ZNF215: variants seen among roughly 807,000 people sequenced by gnomAD.
ZNF215 encodes the protein BWSCR2-associated zinc finger protein 2.
In ZNF215, 24 loss-of-function variants were observed where a neutral mutation model predicts 27.2. The ratio of observed to expected loss-of-function variants is 0.88; its 90% CI spans 0.64 to 1.24. ZNF215 has a LOEUF of 1.24. Ranked by LOEUF, ZNF215 falls within the 50% of genes most tolerant of loss-of-function variation. The probability of loss-of-function intolerance (pLI) is 0.00; values close to 1 mark genes in which losing one functional copy is unlikely to be tolerated. For missense variants in ZNF215, 675 were observed against 605.7 expected, an observed-to-expected ratio of 1.11 and a Z score of -1.20; for synonymous variants, 210 against 204.0, an observed-to-expected ratio of 1.03 and a Z score of -0.25.
At chr11:6,985,600 A>G (rs922780189), downstream of ZNF215, among the ~76,000 whole-genome samples, 1 of 152,178 alleles carries the variant, frequency 6.6e-6, no homozygotes, top group Non-Finnish European at 1.5e-5. Flanking sequence ...CAAGCTATTT[A>G]TCTTCACTGA....
chr11:6,978,764 A>T (rs1402693334), intron 5 of ZNF215, among the ~76,000 whole-genome samples: 1 of 152,024 alleles, frequency 6.6e-6, no homozygotes, highest in African/African-American at 2.4e-5. Flanking sequence ...ACCAAAAAAA[A>T]AAATGTATTC....
At chr11:6,941,783 C>A in intron 4 of ZNF215, 130 bp downstream of exon 4, 2 of 889,762 alleles carry the variant, frequency 2.2e-6, no homozygotes, top group Non-Finnish European at 3.4e-6. Context: ...TATTTTCCCA[C>A]AGGACACTGG....
At chr11:6,991,942 C>T (rs1015666691), downstream of ZNF215, among the ~76,000 whole-genome samples, 2 of 152,192 alleles carry the variant, frequency 1.3e-5, no homozygotes, top group African/African-American at 2.4e-5. Flanking sequence ...GTGTTCATAA[C>T]GTTGTGTAGT....
chr11:6,958,196 T>C (rs185707187), downstream of ZNF215: 1 of 452,660 alleles, frequency 2.2e-6, no homozygotes, highest in African/African-American at 2.1e-5. Flanking sequence ...ATTCTTGAGG[T>C]ATGTTCATTC....
At chr11:6,945,304 G>A (rs1849780441) in intron 6 of ZNF215, among the ~76,000 whole-genome samples, 1 of 151,994 alleles carries the variant, frequency 6.6e-6, no homozygotes. Flanking sequence ...CACCATTTCT[G>A]TCTCATTTTT....
At chr11:6,972,001 A>G (rs561966181) in intron 5 of ZNF215, among the ~76,000 whole-genome samples, 6 of 152,118 alleles carry the variant, frequency 3.9e-5, no homozygotes, top group Non-Finnish European at 8.8e-5. Flanking sequence ...TGCCAAGTCT[A>G]TTTACTAAAG....
At chr11:6,974,810 T>A (rs1011457667) in intron 5 of ZNF215, among the ~76,000 whole-genome samples, 1 of 152,140 alleles carries the variant, frequency 6.6e-6, no homozygotes, top group Admixed American at 6.6e-5. Flanking sequence ...GATGGGGTTT[T>A]CTAGATATAC....
downstream of ZNF215, among the ~76,000 whole-genome samples, chr11:6,959,388 T>C (rs553885338): frequency 2.6e-5 from 4 of 152,276 alleles, no homozygotes; most frequent in African/African-American, 2.4e-5. Context: ...CTTTAGAAGT[T>C]TGAGCTTCAG....
chr11:6,935,771 A>AT (rs1849414952), intron 3 of ZNF215, among the ~76,000 whole-genome samples: 1 of 152,176 alleles, frequency 6.6e-6, no homozygotes, highest in South Asian at 2.1e-4. Context: ...TCAAGTATAC[A>AT]TGGAATAGTC....
At position 6,956,697 on chromosome 11, in the gene ZNF215, G is replaced by T. The variant is rs183504340; in HGVS notation, c.*166G>T. On this transcript the variant is annotated 3_prime_UTR_variant, in exon 7 of 7. Transcript: ENST00000278319. ...TGTTGGATAGAAATATCATTGGATAGAAATCTGTTTGAAGGAATTTTCCTG... is the reference window on the plus strand; with the variant it reads ...TGTTGGATAGAAATATCATTGGATATAAATCTGTTTGAAGGAATTTTCCTG... 1.2e-4 allele frequency: 170 copies of T among 1,388,782 alleles called. No homozygotes were observed. The highest frequency in any genetic ancestry group is 2.8e-4 in the Admixed American group (8 of 29,016). The allele number at this position is 1,388,782 out of a possible 1,614,324, so 86.0% of individuals were successfully genotyped here.
intron 5 of ZNF215, among the ~76,000 whole-genome samples, chr11:6,963,675 G>A (rs1029041802): frequency 3.3e-5 from 5 of 151,998 alleles, no homozygotes; most frequent in Admixed American, 2.6e-4. Context: ...GTGTCCTATG[G>A]TAGGTGTATG....
chr11:6,943,612 A>G lies in ZNF215; in HGVS notation c.683A>G (p.Glu228Gly), dbSNP rs1474409830. ...AGTAAGAAAAAAAGATGGATAATGG[A>G]GAAAGAAATACCAAGGAAGACTATT... ...LESKKKRWIM[E>G]KEIPRKTIFD... Residue 228 changes from glutamate (E) to glycine (G), a missense_variant, in exon 6 of 7, where the codon GAG becomes GGG. By Grantham distance (98) the Glu-to-Gly change is moderately conservative. Transcript: ENST00000278319. The G allele has an allele frequency of 8.1e-6, 13 of 1,613,924 alleles. No individual in the cohort carries two copies. Among genetic ancestry groups the G allele is most frequent in the Non-Finnish European group, 1.1e-5 (13 of 1,179,910 alleles).
At chr11:6,962,150 T>G (rs945781325), downstream of ZNF215, among the ~76,000 whole-genome samples, 10 of 149,618 alleles carry the variant, frequency 6.7e-5, no homozygotes, top group South Asian at 1.0e-3. Flanking sequence ...GTAATAAGGG[T>G]TTTTTTTTGT....
intron 3 of ZNF215, among the ~76,000 whole-genome samples, chr11:6,934,265 G>A (rs1288950762): frequency 6.6e-6 from 1 of 152,086 alleles, no homozygotes; most frequent in Non-Finnish European, 1.5e-5. Flanking sequence ...ATAACAAAAA[G>A]GTCACATTAA....
chr11:6,952,586 G>A (rs1472034068), intron 6 of ZNF215, among the ~76,000 whole-genome samples: 2 of 151,506 alleles, frequency 1.3e-5, no homozygotes, highest in South Asian at 4.2e-4. Flanking sequence ...CCATTTGCTC[G>A]GTAGATCTTC....
intron 6 of ZNF215, among the ~76,000 whole-genome samples, chr11:6,953,919 G>A (rs946397157): frequency 1.3e-5 from 2 of 152,018 alleles, no homozygotes; most frequent in African/African-American, 4.8e-5. Flanking sequence ...TTTTGGTGTG[G>A]ATGTCCTTTC....
chr11:6,934,472 G>C (rs1849368667), intron 3 of ZNF215, among the ~76,000 whole-genome samples: 2 of 152,138 alleles, frequency 1.3e-5, no homozygotes. Flanking sequence ...CTGTACATCA[G>C]AGATCCAACA....
intron 3 of ZNF215, among the ~76,000 whole-genome samples, chr11:6,938,931 G>A (rs992305934): frequency 4.6e-5 from 7 of 151,988 alleles, no homozygotes; most frequent in African/African-American, 1.7e-4. Flanking sequence ...TAAATTCTAA[G>A]CTTAATAGAG....
At chr11:6,981,584 C>A (rs1284581957) in intron 5 of ZNF215, among the ~76,000 whole-genome samples, 1 of 151,842 alleles carries the variant, frequency 6.6e-6, no homozygotes, top group Non-Finnish European at 1.5e-5. Context: ...ATGGTAGTTT[C>A]TTTTGCTGTG....
Sources: allele counts gnomAD v4.1 joint callset (sites outside exome capture counted in the v4.1 genomes callset), GRCh38; gene constraint gnomAD v4.1.1; transcripts MANE v1.5; gene names NCBI Gene and HGNC (gene_info 2026-07-23, HGNC 2026-07-21).